The following SPTLC3 variants were observed in gnomAD, a reference collection of about 807,000 sequenced individuals.
SPTLC3 encodes the protein serine palmitoyltransferase 3.
A neutral mutation model predicts 59.3 loss-of-function variants in SPTLC3; 36 were observed. That is an observed-to-expected ratio of 0.61 (90% confidence interval 0.47 to 0.80). The LOEUF (loss-of-function observed/expected upper bound fraction) is 0.80. SPTLC3 is among the 30% of genes least tolerant of loss of function. SPTLC3 has a pLI of 0.00. For synonymous variants in SPTLC3, 257 were observed against 240.8 expected (o/e 1.07, Z -0.62); for missense variants, 625 against 685.1 (o/e 0.91, Z 0.98).
At chr20:13,091,933 T>C (rs1600270701) in intron 5 of SPTLC3, among the ~76,000 whole-genome samples, 1 of 152,268 alleles carries the variant, frequency 6.6e-6, no homozygotes, top group African/African-American at 2.4e-5. Context: ...ATACAAGACA[T>C]ACAAAGATGA....
chr20:13,057,799 A>T (rs560828031), intron 2 of SPTLC3, among the ~76,000 whole-genome samples: 2 of 152,350 alleles, frequency 1.3e-5, no homozygotes, highest in East Asian at 3.9e-4. Context: ...TTTAGAGTTG[A>T]ACCACAAGTT....
chr20:13,067,450 A>G (rs1272353263), intron 2 of SPTLC3, among the ~76,000 whole-genome samples: 1 of 152,142 alleles, frequency 6.6e-6, no homozygotes, highest in African/African-American at 2.4e-5. Flanking sequence ...TAATTTCCCC[A>G]GTGATCAGAT....
chr20:13,051,381 A>G (rs1987483627), intron 2 of SPTLC3, among the ~76,000 whole-genome samples: 1 of 152,238 alleles, frequency 6.6e-6, no homozygotes, highest in Non-Finnish European at 1.5e-5. Flanking sequence ...TCCAACAGGA[A>G]AATATCACAA....
rs34809007 is a variant in SPTLC3 at position 13,065,265 on chromosome 20, G to GTT, written c.304-6976_304-6975dup. On this transcript the variant is annotated intron_variant, in intron 2 of 11. Transcript: ENST00000399002. ...TCACTGTGATTGTAAATTTGTTAGA[G>GTT]TTTTTTTTTTTTTTTTCTAAAGTGT... Among the ~76,000 whole-genome samples the GTT allele has an allele frequency of 2.0e-3, 273 of 138,184 alleles. 3 individuals carry two copies. Among genetic ancestry groups the GTT allele is most frequent in the East Asian group, 0.017 (81 of 4,696 alleles). 90.7% of individuals were successfully genotyped at this position (138,184 alleles called of 152,430 possible).
intron 4 of SPTLC3, among the ~76,000 whole-genome samples, chr20:13,075,597 G>A (rs951882986): frequency 2.0e-5 from 3 of 152,130 alleles, no homozygotes; most frequent in African/African-American, 7.2e-5. Flanking sequence ...TCATTTTGAG[G>A]CATAAGGGCT....
At chr20:13,044,700 C>T (rs1201718252) in intron 1 of SPTLC3, among the ~76,000 whole-genome samples, 1 of 152,154 alleles carries the variant, frequency 6.6e-6, no homozygotes, top group Non-Finnish European at 1.5e-5. Flanking sequence ...AGGTAACCTG[C>T]ATATACTATC....
At chr20:13,079,603 C>A (rs1988768577) in intron 4 of SPTLC3, 2 of 247,186 alleles carry the variant, frequency 8.1e-6, no homozygotes, top group Middle Eastern at 4.5e-4. Context: ...ATATGAAATG[C>A]ACTTGTGTGT....
At chr20:13,015,845 T>A (rs921713525) in intron 1 of SPTLC3, among the ~76,000 whole-genome samples, 1 of 152,076 alleles carries the variant, frequency 6.6e-6, no homozygotes, top group Admixed American at 6.6e-5. Context: ...ATATCAATTT[T>A]AAAATAATAT....
intron 8 of SPTLC3, among the ~76,000 whole-genome samples, chr20:13,121,251 G>A (rs1284891395): frequency 2.0e-5 from 3 of 152,128 alleles, no homozygotes; most frequent in Non-Finnish European, 4.4e-5. Flanking sequence ...TAACTGATAG[G>A]TTGCAGGGCT....
intron 4 of SPTLC3, among the ~76,000 whole-genome samples, chr20:13,082,115 A>G (rs979578382): frequency 1.3e-5 from 2 of 152,234 alleles, no homozygotes; most frequent in Non-Finnish European, 2.9e-5. Context: ...CAGTAATTTT[A>G]CATAAGTATA....
chr20:13,061,362 A>G (rs994587557), intron 2 of SPTLC3, among the ~76,000 whole-genome samples: 1 of 152,168 alleles, frequency 6.6e-6, no homozygotes, highest in African/African-American at 2.4e-5. Flanking sequence ...TATTTCATTG[A>G]GAAAATAGAA....
At chr20:13,137,811 T>C (rs888710123) in intron 9 of SPTLC3, among the ~76,000 whole-genome samples, 7 of 152,224 alleles carry the variant, frequency 4.6e-5, no homozygotes, top group Non-Finnish European at 1.0e-4. Context: ...ACTTGCAGAC[T>C]GGGCAACAGC....
chr20:13,073,659 A>G (rs6041842), intron 3 of SPTLC3: 120,924 of 318,780 alleles, frequency 0.38, 24,719 homozygotes, highest in African/African-American at 0.45. Flanking sequence ...GGAATGATTA[A>G]CATTTTTTTT....
intron 9 of SPTLC3, among the ~76,000 whole-genome samples, chr20:13,134,092 G>A (rs760232380): frequency 1.8e-4 from 28 of 152,154 alleles, no homozygotes; most frequent in Non-Finnish European, 2.6e-4. Context: ...AAACTGTCAC[G>A]GTCAGGTGTA....
At chr20:13,155,760 A>G (rs1381021768) in intron 10 of SPTLC3, among the ~76,000 whole-genome samples, 2 of 152,114 alleles carry the variant, frequency 1.3e-5, no homozygotes, top group Non-Finnish European at 2.9e-5. Flanking sequence ...TGGGAGGTGG[A>G]GCTTGCAGTG....
chr20:13,145,057 G>A (rs1473226395), intron 9 of SPTLC3, among the ~76,000 whole-genome samples: 4 of 151,996 alleles, frequency 2.6e-5, no homozygotes, highest in Admixed American at 1.3e-4. Context: ...TTACAGGTGT[G>A]AGCCACCGCA....
intron 6 of SPTLC3, among the ~76,000 whole-genome samples, chr20:13,095,014 A>G (rs2122638092): frequency 6.6e-6 from 1 of 152,306 alleles, no homozygotes; most frequent in African/African-American, 2.4e-5. Context: ...AATATCATGG[A>G]TTGTCACATC....
chr20:13,138,618 C>T (rs1025890200), intron 9 of SPTLC3, among the ~76,000 whole-genome samples: 4 of 152,142 alleles, frequency 2.6e-5, no homozygotes, highest in African/African-American at 9.7e-5. Context: ...GATCTAGTCA[C>T]CATTTATAAA....
chr20:13,105,051 C>T (rs1215829115), intron 6 of SPTLC3, among the ~76,000 whole-genome samples: 1 of 152,108 alleles, frequency 6.6e-6, no homozygotes, highest in Non-Finnish European at 1.5e-5. Flanking sequence ...CTTGCTGAAA[C>T]GGTAGAATCC....
Sources: allele counts gnomAD v4.1 joint callset (sites outside exome capture counted in the v4.1 genomes callset), GRCh38; gene constraint gnomAD v4.1.1; transcripts MANE v1.5; gene names NCBI Gene and HGNC (gene_info 2026-07-23, HGNC 2026-07-21).